Variants in RAB31 observed in about 807,000 individuals in gnomAD.
RAB31 encodes ras-related protein Rab-31.
A neutral mutation model predicts 25.6 loss-of-function variants in RAB31; 21 were observed. That is an observed-to-expected ratio of 0.82 (90% confidence interval 0.58 to 1.18). The LOEUF is 1.18. RAB31 is among the 50% of genes most tolerant of loss of function. The pLI, the probability that RAB31 is intolerant of heterozygous loss-of-function variation, is 0.00. For synonymous variants in RAB31, 87 were observed against 84.0 expected, an observed-to-expected ratio of 1.04 and a Z score of -0.20; for missense variants, 196 against 250.1, an observed-to-expected ratio of 0.78 and a Z score of 1.46.
chr18:9,774,796 G>A, intron 1 of RAB31: 1 of 508,414 alleles, frequency 2.0e-6, no homozygotes, highest in East Asian at 5.5e-5. Context: ...CCAACCATCA[G>A]ATTCTACAGA....
intron 1 of RAB31, among the ~76,000 whole-genome samples, chr18:9,740,433 G>C (rs1396904679): frequency 3.9e-5 from 6 of 152,178 alleles, no homozygotes; most frequent in Non-Finnish European, 8.8e-5. Flanking sequence ...AATTATTTTG[G>C]CTGGACGTGG....
At chr18:9,710,578 C>T (rs954123852) in intron 1 of RAB31, among the ~76,000 whole-genome samples, 3 of 152,134 alleles carry the variant, frequency 2.0e-5, no homozygotes, top group Non-Finnish European at 2.9e-5. Flanking sequence ...CGTGGCCGGT[C>T]GCGTTGGCTC....
At chr18:9,814,903 A>T in intron 4 of RAB31, 1 of 389,936 alleles carries the variant, frequency 2.6e-6, no homozygotes, top group Non-Finnish European at 4.7e-6. Flanking sequence ...TCTTAACTAG[A>T]TCAAGTTTTA....
chr18:9,768,624 A>T (rs1045841623), intron 1 of RAB31, among the ~76,000 whole-genome samples: 9 of 151,846 alleles, frequency 5.9e-5, no homozygotes, highest in Non-Finnish European at 1.0e-4. Context: ...AGATTGCAAA[A>T]TTTTTCTCCC....
intron 5 of RAB31, among the ~76,000 whole-genome samples, chr18:9,823,610 A>C (rs2068634455): frequency 6.6e-6 from 1 of 152,186 alleles, no homozygotes; most frequent in Non-Finnish European, 1.5e-5. Context: ...GATTAACAAA[A>C]AGTTGATTTA....
intron 4 of RAB31, 26 bp from the exon 5 acceptor site, chr18:9,815,090 A>G: frequency 1.4e-6 from 2 of 1,450,360 alleles, no homozygotes; most frequent in Non-Finnish European, 1.9e-6. Flanking sequence ...GGTCTTTCTA[A>G]TGATTTGTGT....
chr18:9,788,438 G>C (rs1375751737), intron 2 of RAB31, among the ~76,000 whole-genome samples: 1 of 152,210 alleles, frequency 6.6e-6, no homozygotes, highest in Non-Finnish European at 1.5e-5. Context: ...CTTGTATTCT[G>C]TTGGTAAATT....
intron 1 of RAB31, among the ~76,000 whole-genome samples, chr18:9,732,648 C>T (rs2068129601): frequency 6.6e-6 from 1 of 152,178 alleles, no homozygotes; most frequent in African/African-American, 2.4e-5. Context: ...TTTCCTTCTC[C>T]CCTTAACTGT....
chr18:9,821,699 A>G (rs2068625228), intron 5 of RAB31, among the ~76,000 whole-genome samples: 1 of 152,162 alleles, frequency 6.6e-6, no homozygotes, highest in African/African-American at 2.4e-5. Context: ...TTAAAACACG[A>G]TATTCTTTAC....
intron 3 of RAB31, among the ~76,000 whole-genome samples, chr18:9,806,706 G>A (rs1363879682): frequency 6.6e-6 from 1 of 152,220 alleles, no homozygotes; most frequent in Non-Finnish European, 1.5e-5. Context: ...CAATCACTCT[G>A]ATGTTCAGTT....
intron 6 of RAB31, chr18:9,849,783 G>T (rs763661233): frequency 1.9e-4 from 29 of 152,284 alleles, no homozygotes; most frequent in African/African-American, 6.8e-4. Flanking sequence ...AGAGCAAACC[G>T]CAGGAGCCAA....
At chr18:9,838,690 T>C (rs1009420492) in intron 5 of RAB31, among the ~76,000 whole-genome samples, 1 of 152,214 alleles carries the variant, frequency 6.6e-6, no homozygotes, top group African/African-American at 2.4e-5. Flanking sequence ...GCAAGAATGT[T>C]GTTTCCTGAT....
chr18:9,714,219 G>A (rs1200330912), intron 1 of RAB31, among the ~76,000 whole-genome samples: 1 of 152,216 alleles, frequency 6.6e-6, no homozygotes, highest in East Asian at 1.9e-4. Context: ...TGGCACTAGG[G>A]ATCAGTTTTG....
intron 5 of RAB31, among the ~76,000 whole-genome samples, chr18:9,835,307 G>A (rs932375827): frequency 2.0e-5 from 3 of 148,832 alleles, no homozygotes; most frequent in Non-Finnish European, 4.4e-5. Flanking sequence ...GGTATGATCC[G>A]CTCAGAGGAT....
chr18:9,823,774 T>C (rs2068635324), intron 5 of RAB31, among the ~76,000 whole-genome samples: 1 of 152,144 alleles, frequency 6.6e-6, no homozygotes, highest in Non-Finnish European at 1.5e-5. Context: ...ATTAACCATC[T>C]CCAGCACACC....
intron 1 of RAB31, among the ~76,000 whole-genome samples, chr18:9,745,360 C>CA (rs1260691652): frequency 1.3e-5 from 2 of 152,106 alleles, no homozygotes; most frequent in African/African-American, 4.8e-5. Flanking sequence ...TAAATTCTAC[C>CA]AAACATTTAA....
intron 1 of RAB31, among the ~76,000 whole-genome samples, chr18:9,721,310 T>C (rs2068072487): frequency 6.6e-6 from 1 of 152,160 alleles, no homozygotes; most frequent in African/African-American, 2.4e-5. Flanking sequence ...GTAGAGTTAG[T>C]ATACAAATAA....
intron 3 of RAB31, among the ~76,000 whole-genome samples, chr18:9,798,307 C>G (rs913606939): frequency 6.6e-6 from 1 of 151,648 alleles, no homozygotes; most frequent in South Asian, 2.1e-4. Flanking sequence ...GTCTGGTGTC[C>G]CCTGGTGGAG....
chr18:9,829,551 G>C (rs1265783259), intron 5 of RAB31, among the ~76,000 whole-genome samples: 2 of 152,220 alleles, frequency 1.3e-5, no homozygotes, highest in Non-Finnish European at 1.5e-5. Context: ...TCTCTGGACT[G>C]GGGTAGGTAA....
Sources: gnomAD v4.1 joint callset for allele counts (sites outside exome capture counted in the v4.1 genomes callset) on GRCh38, gnomAD v4.1.1 for gene constraint, MANE v1.5 for transcripts, NCBI Gene and HGNC (gene_info 2026-07-23, HGNC 2026-07-21) for gene names.